The following SULT1E1 variants were observed in gnomAD, a reference collection of about 807,000 sequenced individuals.
SULT1E1 encodes sulfotransferase family 1E member 1.
In SULT1E1, 36 loss-of-function variants were observed where a neutral mutation model predicts 33.6. The observed-to-expected ratio is 1.07, with a 90% CI of 0.82 to 1.41. The LOEUF (loss-of-function observed/expected upper bound fraction) is 1.41, where lower values mean the gene tolerates loss of function less well. Among genes scored for constraint, SULT1E1 ranks in the 40% most tolerant of loss-of-function variants. The pLI is 0.00. For missense variants in SULT1E1, 371 were observed against 345.7 expected, an observed-to-expected ratio of 1.07 and a Z score of -0.58; for synonymous variants, 121 against 111.7, an observed-to-expected ratio of 1.08 and a Z score of -0.53.
chr4:69,844,044 T>G lies in SULT1E1; in HGVS notation c.772+117A>C, dbSNP rs1201463062. The G allele has an allele frequency of 4.7e-6, 4 of 856,908 alleles. No individual in the cohort carries two copies. The African/African-American group carries it at 6.8e-5, about 15-fold the overall frequency. 53.1% of individuals were successfully genotyped at this position (856,908 alleles called of 1,614,324 possible). A position where few individuals can be genotyped will look rare whatever the true frequency, so the allele number is the denominator to read the frequency against. On this transcript the variant is annotated intron_variant, in intron 7 of 7. Coordinates refer to ENST00000226444, the MANE Select transcript of SULT1E1 (RefSeq NM_005420.3). ...AAGAGTGTATTCAAATATGAAAGAC[T>G]GCTGAAGAAAACTTAAGCTGGGTTC...
Position 69,841,811 on chromosome 4 carries a change from A to G in SULT1E1, c.*183T>C, listed in dbSNP as rs1720890989. The G allele has an allele frequency of 2.3e-6, 1 of 427,828 alleles. No homozygotes were observed. Among genetic ancestry groups the G allele is most frequent in the African/African-American group, 2.1e-5 (1 of 47,240 alleles). The allele number at this position is 427,828 out of a possible 1,614,324, so 26.5% of individuals were successfully genotyped here. ...AGCCATGATTGTGCCACTGTCCTCC[A>G]GCCTAGGCAACAGAGTGAGACTCTG... On this transcript the variant is annotated 3_prime_UTR_variant, in exon 8 of 8. Transcript: ENST00000226444.
intron 2 of SULT1E1, among the ~76,000 whole-genome samples, chr4:69,856,882 G>A (rs1251077307): frequency 7.5e-6 from 1 of 132,486 alleles, no homozygotes; most frequent in Non-Finnish European, 1.5e-5. Flanking sequence ...TTTGCAGTGA[G>A]CAGAGATCGC....
chr4:69,842,468 T>C (rs1720901661), intron 7 of SULT1E1, among the ~76,000 whole-genome samples: 1 of 152,238 alleles, frequency 6.6e-6, no homozygotes, highest in South Asian at 2.1e-4. Context: ...TCCAGACTTA[T>C]GCTTTATATA....
intron 3 of SULT1E1, among the ~76,000 whole-genome samples, chr4:69,854,917 G>C (rs1263571869): frequency 1.3e-5 from 2 of 151,864 alleles, no homozygotes; most frequent in African/African-American, 4.8e-5. Flanking sequence ...TTAGCATTTA[G>C]GTTGTTTCCA....
chr4:69,854,168 T>C, intron 4 of SULT1E1, 49 bp downstream of exon 4: 1 of 1,366,584 alleles, frequency 7.3e-7, no homozygotes, highest in African/African-American at 1.4e-5. Context: ...GATCACTCTA[T>C]CATTTCTTGG....
chr4:69,830,745 A>G, the SULT1E1 span, among the ~76,000 whole-genome samples: 1 of 152,310 alleles, frequency 6.6e-6, no homozygotes, highest in South Asian at 2.1e-4. Flanking sequence ...CATATTAAAC[A>G]GTGTCAGAAG....
At chr4:69,854,752 C>T (rs185793993) in intron 3 of SULT1E1, among the ~76,000 whole-genome samples, 1 of 152,058 alleles carries the variant, frequency 6.6e-6, no homozygotes, top group East Asian at 1.9e-4. Flanking sequence ...AATTTACAGC[C>T]ATCCCAATAC....
At chr4:69,858,775 C>G (rs1408141171) in intron 1 of SULT1E1, among the ~76,000 whole-genome samples, 1 of 152,136 alleles carries the variant, frequency 6.6e-6, no homozygotes, top group Non-Finnish European at 1.5e-5. Context: ...TCCTTAGTCT[C>G]AGAAAATAGA....
downstream of SULT1E1, among the ~76,000 whole-genome samples, chr4:69,840,784 C>T (rs111478566): frequency 6.4e-3 from 977 of 152,254 alleles, 16 homozygotes; most frequent in African/African-American, 0.022. Context: ...CGGTGGCTCA[C>T]GCCTGTAATC....
downstream of SULT1E1, chr4:69,838,451 A>G (rs778604431): frequency 2.0e-5 from 3 of 152,198 alleles, no homozygotes; most frequent in Non-Finnish European, 4.4e-5. Flanking sequence ...AAGTTACCTG[A>G]GATGTGGACC....
the SULT1E1 span, among the ~76,000 whole-genome samples, chr4:69,824,471 C>T: frequency 1.3e-5 from 2 of 152,178 alleles, no homozygotes; most frequent in Non-Finnish European, 2.9e-5. Flanking sequence ...AGAGGAGGAG[C>T]TCCTTTTTTC....
At chr4:69,823,458 C>A in the SULT1E1 span, among the ~76,000 whole-genome samples, 1 of 152,098 alleles carries the variant, frequency 6.6e-6, no homozygotes, top group Non-Finnish European at 1.5e-5. Context: ...GTTAAGGCTT[C>A]CTCTTTAGAA....
rs557571711 is a variant in SULT1E1, at chr4:69,852,756, A to T, written c.369+1461T>A. Among the ~76,000 whole-genome samples the T allele has an allele frequency of 1.1e-4, 16 of 152,260 alleles. No individual in the cohort carries two copies. The East Asian group carries it at 3.1e-3, about 29-fold the overall frequency. On this transcript the variant is annotated intron_variant, in intron 4 of 7. Coordinates refer to ENST00000226444, the MANE Select transcript of SULT1E1 (RefSeq NM_005420.3). ...AAATACTCCAAACATGAATCCCTCC[A>T]ACTATCTCCTAGTCTTTGATAAACT...
chr4:69,829,145 T>C, the SULT1E1 span, among the ~76,000 whole-genome samples: 2 of 152,180 alleles, frequency 1.3e-5, no homozygotes, highest in African/African-American at 4.8e-5. Flanking sequence ...TATGTCCCAT[T>C]AAAGTATACA....
the SULT1E1 span, among the ~76,000 whole-genome samples, chr4:69,834,877 G>A: frequency 3.3e-5 from 5 of 151,488 alleles, no homozygotes; most frequent in African/African-American, 7.3e-5. Context: ...TTTCTATTTC[G>A]CCCCTCATTT....
intron 1 of SULT1E1, among the ~76,000 whole-genome samples, chr4:69,859,059 A>G (rs1042606666): frequency 2.6e-5 from 4 of 152,096 alleles, no homozygotes; most frequent in African/African-American, 7.2e-5. Flanking sequence ...ATTACAATGT[A>G]TGGATTTACT....
chr4:69,850,362 G>A lies in SULT1E1; in HGVS notation c.370-799C>T, dbSNP rs116124006. On this transcript the variant is annotated intron_variant, in intron 4 of 7. Transcript: ENST00000226444. ...CATGGGCTTCTACTTAGGCCCTCAGGCACCTAAGCAATGTCATGAAAGGAT... is the reference window on the plus strand; with the variant it reads ...CATGGGCTTCTACTTAGGCCCTCAGACACCTAAGCAATGTCATGAAAGGAT... Among the ~76,000 whole-genome samples, 624 of 152,134 alleles carry A rather than the reference G, an allele frequency of 4.1e-3. 4 individuals carry two copies. The highest frequency in any genetic ancestry group is 0.012 in the African/African-American group (509 of 41,548).
At chr4:69,830,378 A>G in the SULT1E1 span, among the ~76,000 whole-genome samples, 11 of 152,356 alleles carry the variant, frequency 7.2e-5, no homozygotes, top group Admixed American at 6.5e-5. Context: ...GGCCTGCCCT[A>G]TGAATGATGT....
At chr4:69,834,820 A>G in the SULT1E1 span, among the ~76,000 whole-genome samples, 1 of 152,110 alleles carries the variant, frequency 6.6e-6, no homozygotes. Context: ...AAATTTCCCA[A>G]TAAATATCTT....
Sources: gnomAD v4.1 joint callset for allele counts (sites outside exome capture counted in the v4.1 genomes callset) on GRCh38, gnomAD v4.1.1 for gene constraint, MANE v1.5 for transcripts, NCBI Gene and HGNC (gene_info 2026-07-23, HGNC 2026-07-21) for gene names.